Variants in WDFY3 observed in about 807,000 individuals in gnomAD.
The protein encoded by WDFY3 is WD repeat and FYVE domain-containing protein 3.
WDFY3 carries 66 observed loss-of-function variants against 409.6 expected under a neutral mutation model. That is an observed-to-expected ratio of 0.16 (90% CI 0.13 to 0.20). The LOEUF (loss-of-function observed/expected upper bound fraction) is 0.20, where lower values mean the gene tolerates loss of function less well. Among genes scored for constraint, WDFY3 ranks in the 10% least tolerant of loss-of-function variants. WDFY3 has a pLI of 1.00. For synonymous variants in WDFY3, 1,521 were observed against 1,537.1 expected (o/e 0.99, Z 0.25); for missense variants, 3,031 against 4,298.1 (o/e 0.71, Z 8.24).
rs1298757608 is a variant in WDFY3 at position 84,802,260 on chromosome 4, T to TC, written c.2608-397_2608-396insG. Among the ~76,000 whole-genome samples the TC allele has an allele frequency of 5.3e-5, 8 of 151,406 alleles. No individual in the cohort carries two copies. In the East Asian group the frequency reaches 1.2e-3, roughly 22 times the overall value. ...CCGCACCCGGCAGAAGCATACTTTT[T>TC]TTTTTTTTTTGAGACAGAGTCTTGC... is the stretch of plus-strand genomic sequence containing the variant. On this transcript the variant is annotated intron_variant, in intron 16 of 67. Transcript: ENST00000295888.
chr4:84,831,994 T>C (rs979573238), intron 7 of WDFY3, among the ~76,000 whole-genome samples: 1 of 152,146 alleles, frequency 6.6e-6, no homozygotes, highest in African/African-American at 2.4e-5. Flanking sequence ...TGAGGGTATA[T>C]ATCCAAAGGA....
chr4:84,897,765 T>G (rs1351521738), intron 2 of WDFY3, among the ~76,000 whole-genome samples: 1 of 152,216 alleles, frequency 6.6e-6, no homozygotes, highest in African/African-American at 2.4e-5. Flanking sequence ...GGTATTCACC[T>G]CACATTTTCT....
intron 64 of WDFY3, among the ~76,000 whole-genome samples, chr4:84,679,530 T>C (rs950397058): frequency 2.0e-5 from 3 of 152,088 alleles, no homozygotes; most frequent in Non-Finnish European, 2.9e-5. Flanking sequence ...TGCCGCACAC[T>C]CCCTGCTGTG....
intron 64 of WDFY3, among the ~76,000 whole-genome samples, chr4:84,680,417 G>C (rs1727163771): frequency 6.6e-6 from 1 of 152,200 alleles, no homozygotes; most frequent in African/African-American, 2.4e-5. Flanking sequence ...AGCCTTCTGA[G>C]TAGCTGGGAC....
chr4:84,845,719 T>C (rs2150069294), intron 5 of WDFY3, among the ~76,000 whole-genome samples: 1 of 152,298 alleles, frequency 6.6e-6, no homozygotes, highest in East Asian at 1.9e-4. Flanking sequence ...TCCATGAATG[T>C]ATTTTTGATA....
intron 30 of WDFY3, among the ~76,000 whole-genome samples, chr4:84,768,747 T>A (rs1274399017): frequency 6.6e-6 from 1 of 152,220 alleles, no homozygotes; most frequent in Admixed American, 6.5e-5. Flanking sequence ...CTGTAGCCCA[T>A]GAATCAAGGA....
chr4:84,718,554 C>T lies in WDFY3; in HGVS notation c.7622G>A (p.Arg2541His), dbSNP rs768580860. The T allele has an allele frequency of 6.8e-6, 11 of 1,612,046 alleles. No homozygotes were observed. The highest frequency in any genetic ancestry group is 5.0e-5 in the Admixed American group (3 of 59,626). ...EEGEKIQHMY[R>H]CARVQGLDTS... ...ATCTAGGCCCTGGACTCGAGCACAG[C>T]GGTACATGTGTTGGATCTATAAAGA... The change falls in exon 48 of 68, where the codon CGC becomes CAC. Residue 2541 changes from arginine to histidine, a missense_variant. Physicochemically the swap from Arg to His is conservative, Grantham distance 29. Transcript: ENST00000295888.
chr4:84,817,333 T>A, intron 13 of WDFY3, 59 bp downstream of exon 13: 2 of 1,592,534 alleles, frequency 1.3e-6, no homozygotes, highest in Non-Finnish European at 1.7e-6. Context: ...ATACAGATCA[T>A]CTAAAAATAA....
chr4:84,961,481 G>C (rs1420983176), intron 1 of WDFY3, among the ~76,000 whole-genome samples: 1 of 151,688 alleles, frequency 6.6e-6, no homozygotes, highest in Non-Finnish European at 1.5e-5. Flanking sequence ...TGTTTAAAAT[G>C]GTTCATTTTT....
intron 30 of WDFY3, among the ~76,000 whole-genome samples, chr4:84,770,106 G>T (rs1744404474): frequency 6.6e-6 from 1 of 151,316 alleles, no homozygotes; most frequent in African/African-American, 2.4e-5. Flanking sequence ...TCTGCTCACT[G>T]CAAGCTCTGC....
chr4:84,962,246 T>C (rs770564926), intron 1 of WDFY3, among the ~76,000 whole-genome samples: 21 of 152,262 alleles, frequency 1.4e-4, no homozygotes, highest in Non-Finnish European at 1.6e-4. Context: ...ACTACAATGA[T>C]TAGCGAATGC....
intron 1 of WDFY3, among the ~76,000 whole-genome samples, chr4:84,939,851 T>C (rs1292118356): frequency 1.3e-5 from 2 of 152,164 alleles, no homozygotes; most frequent in African/African-American, 4.8e-5. Flanking sequence ...AGAATGGTAT[T>C]ACAGAATTCT....
At chr4:84,820,289 T>C in intron 11 of WDFY3, 103 bp from the exon 12 acceptor site, 1 of 901,912 alleles carries the variant, frequency 1.1e-6, no homozygotes, top group Non-Finnish European at 1.7e-6. Flanking sequence ...TATTCAGTTT[T>C]ACCCCTAATA....
At chr4:84,769,493 C>T (rs1434843712) in intron 30 of WDFY3, among the ~76,000 whole-genome samples, 4 of 152,076 alleles carry the variant, frequency 2.6e-5, no homozygotes, top group Non-Finnish European at 5.9e-5. Flanking sequence ...CGGCTCACTG[C>T]AAGCTCCGCC....
rs557467613 is a variant in WDFY3, at chr4:84,959,780, GT to G, written c.-226+6428del. On this transcript the variant is annotated intron_variant, in intron 1 of 67. Transcript: ENST00000295888. ...TTGGACATATCCCAGCAAAAAATCA[GT>G]GGTTCAGATGTCATTAATACTTGTC... 1.8e-3 allele frequency among the ~76,000 whole-genome samples: 278 copies of G among 152,326 alleles called. 2 individuals carry two copies. Among genetic ancestry groups the G allele is most frequent in the Middle Eastern group, 0.01 (3 of 294 alleles).
chr4:84,926,472 T>C (rs1770008719), intron 2 of WDFY3, among the ~76,000 whole-genome samples: 1 of 152,122 alleles, frequency 6.6e-6, no homozygotes, highest in South Asian at 2.1e-4. Context: ...TAAAAACTTT[T>C]TATACTTTGT....
chr4:84,702,529 C>A, intron 55 of WDFY3, 23 bp from the exon 56 acceptor site: 1 of 1,557,864 alleles, frequency 6.4e-7, no homozygotes, highest in South Asian at 1.2e-5. Flanking sequence ...TAAGACACCT[C>A]TCTATTAGAG....
At chr4:84,772,044 G>A (rs964174180) in intron 30 of WDFY3, among the ~76,000 whole-genome samples, 1 of 152,192 alleles carries the variant, frequency 6.6e-6, no homozygotes, top group African/African-American at 2.4e-5. Flanking sequence ...CCTTTGGGAG[G>A]AAGTGATACT....
chr4:84,841,596 G>C (rs1381745370), intron 5 of WDFY3, among the ~76,000 whole-genome samples: 1 of 152,114 alleles, frequency 6.6e-6, no homozygotes, highest in Admixed American at 6.6e-5. Context: ...AGGGTGCAGA[G>C]AAAATAAGAG....
Sources: gnomAD v4.1 joint callset for allele counts (sites outside exome capture counted in the v4.1 genomes callset) on GRCh38, gnomAD v4.1.1 for gene constraint, MANE v1.5 for transcripts, NCBI Gene and HGNC (gene_info 2026-07-23, HGNC 2026-07-21) for gene names.